The following MYOM2 variants were observed in gnomAD, a reference collection of about 807,000 sequenced individuals.
The protein encoded by MYOM2 is myomesin 2.
Under a neutral mutation model 187.6 loss-of-function variants are expected in MYOM2, and 254 were observed. That is an observed-to-expected ratio of 1.35 (90% CI 1.22 to 1.50). MYOM2 has a LOEUF of 1.50. Ranked by LOEUF, MYOM2 falls within the 40% of genes most tolerant of loss-of-function variation. The pLI is 0.00. For missense variants in MYOM2, 2,796 were observed against 1,924.0 expected, an observed-to-expected ratio of 1.45 and a Z score of -8.48; for synonymous variants, 981 against 753.8, an observed-to-expected ratio of 1.30 and a Z score of -4.94.
chr8:2,073,425 G>A lies in MYOM2; in HGVS notation c.1045G>A (p.Asp349Asn), dbSNP rs771346272. 14 of 1,613,014 alleles carry A rather than the reference G, an allele frequency of 8.7e-6. No homozygotes were observed. The Admixed American group carries it at 1.2e-4, about 13-fold the overall frequency. ...SLSFSHLHKD[D>N]EGLYTLRIVS... is the part of the protein sequence containing the mutation. ...GTCCTTCAGCCACCTGCACAAGGAC[G>A]ACGAGGGCCTGTACACCCTGCGCAT... is the stretch of plus-strand genomic sequence containing the variant. The change falls in exon 10 of 37, where the codon GAC becomes AAC. Residue 349 changes from aspartate to asparagine, a missense_variant. By Grantham distance (23) the Asp-to-Asn change is conservative. Coordinates refer to ENST00000262113, the MANE Select transcript of MYOM2 (RefSeq NM_003970.4).
chr8:2,089,950 A>T (rs1286674557), intron 14 of MYOM2, 58 bp from the exon 15 acceptor site: 20 of 1,542,902 alleles, frequency 1.3e-5, no homozygotes, highest in Non-Finnish European at 1.7e-5. Flanking sequence ...CCTCCTCCAC[A>T]CGCCTCTGGG....
intron 15 of MYOM2, 85 bp downstream of exon 15, chr8:2,090,276 A>G: frequency 1.5e-6 from 2 of 1,319,352 alleles, no homozygotes; most frequent in East Asian, 4.9e-5. Context: ...GTGAATAAAG[A>G]CATTAATGTT....
At chr8:2,128,999 CTT>C in intron 31 of MYOM2, 126 bp from the exon 32 acceptor site, 1 of 607,046 alleles carries the variant, frequency 1.6e-6, no homozygotes, top group East Asian at 2.8e-5. Context: ...GGCTGGCCGA[CTT>C]TATGAGAGAC....
At position 2,075,488 on chromosome 8, in the gene MYOM2, G is replaced by C. The variant is rs374402618; in HGVS notation, c.1121-653G>C. Among the ~76,000 whole-genome samples the C allele has an allele frequency of 2.6e-5, 4 of 152,334 alleles. No homozygotes were observed. In the East Asian group the frequency reaches 5.8e-4, roughly 22 times the overall value. On this transcript the variant is annotated intron_variant, in intron 10 of 36. Coordinates refer to ENST00000262113, the MANE Select transcript of MYOM2 (RefSeq NM_003970.4). ...TTAATACCCTGAAGATATGTGAGCA[G>C]GAAACTGGATAGTGCTCACCCTGCT...
chr8:2,141,134 C>T lies in MYOM2; in HGVS notation c.3965-7C>T, dbSNP rs776503139. The stretch of plus-strand genomic sequence containing the variant: ...TGGTTAGTAACGTATGAACTATTTC[C>T]TCACAGCTTTTGATGAAGCATTTGC... On this transcript the variant is annotated splice_polypyrimidine_tract_variant and splice_region_variant and intron_variant, in intron 33 of 36. Transcript: ENST00000262113. 2 of 1,610,842 alleles carry T rather than the reference C, an allele frequency of 1.2e-6. No individual in the cohort carries two copies. The highest frequency in any genetic ancestry group is 2.7e-5 in the African/African-American group (2 of 74,828).
At chr8:2,126,918 G>A in intron 31 of MYOM2, among the ~76,000 whole-genome samples, 1 of 148,556 alleles carries the variant, frequency 6.7e-6, no homozygotes, top group African/African-American at 2.5e-5. Flanking sequence ...GGAGCACTGG[G>A]GGAGGCAGAT....
chr8:2,126,887 G>C (rs1797664725), intron 31 of MYOM2, among the ~76,000 whole-genome samples: 1 of 119,624 alleles, frequency 8.4e-6, no homozygotes, highest in Non-Finnish European at 1.9e-5. Context: ...GGAGCATTGA[G>C]AGAGGCTGAT....
At chr8:2,085,517 C>CCCCCACTGTTGTGATCTTTGCATGG in intron 14 of MYOM2, 127 bp downstream of exon 14, 1 of 506,714 alleles carries the variant, frequency 2.0e-6, no homozygotes, top group South Asian at 2.6e-5. Context: ...TCCGCGTGGC[C>CCCCCACTGTTGTGATCTTTGCATGG]CCCCACTGTT....
At chr8:2,065,063 A>T (rs530911740) in intron 6 of MYOM2, among the ~76,000 whole-genome samples, 2 of 152,262 alleles carry the variant, frequency 1.3e-5, no homozygotes, top group African/African-American at 4.8e-5. Flanking sequence ...GATTAACATT[A>T]TATGATAAAA....
chr8:2,075,036 C>CT lies in MYOM2; in HGVS notation c.1121-1103dup, dbSNP rs1563433476. Among the ~76,000 whole-genome samples, 2 of 152,240 alleles carry CT rather than the reference C, an allele frequency of 1.3e-5. 1 individual carries two copies. The highest frequency in any genetic ancestry group is 2.9e-5 in the Non-Finnish European group (2 of 68,032). ...TGGGGTGCAGGACGCATCCATACAT[C>CT]TTCATGATTACTTTTTCCATTGCAT... On this transcript the variant is annotated intron_variant, in intron 10 of 36. Transcript: ENST00000262113.
chr8:2,123,048 A>C (rs914956076), intron 28 of MYOM2, among the ~76,000 whole-genome samples: 3 of 152,158 alleles, frequency 2.0e-5, no homozygotes, highest in Admixed American at 6.5e-5. Flanking sequence ...GTGAGGACTT[A>C]ATTTTCTTAG....
chr8:2,109,328 A>T (rs1285728174), intron 24 of MYOM2, 67 bp from the exon 25 acceptor site: 2 of 1,477,468 alleles, frequency 1.4e-6, no homozygotes, highest in African/African-American at 1.4e-5. Flanking sequence ...TTTCCCTACA[A>T]TTTGCAGGTA....
intron 3 of MYOM2, among the ~76,000 whole-genome samples, chr8:2,054,901 G>A (rs1449942806): frequency 7.9e-6 from 1 of 126,894 alleles, no homozygotes; most frequent in African/African-American, 2.6e-5. Context: ...GGGGAACCAA[G>A]TACCTGGATA....
At chr8:2,081,297 C>T (rs35975580) in intron 13 of MYOM2, among the ~76,000 whole-genome samples, 1,534 of 117,770 alleles carry the variant, frequency 0.013, 18 homozygotes, top group African/African-American at 0.025. Flanking sequence ...GAGGAACAGG[C>T]AGCCCAGCCC....
At chr8:2,128,714 C>G (rs1189795978) in intron 31 of MYOM2, among the ~76,000 whole-genome samples, 1 of 152,210 alleles carries the variant, frequency 6.6e-6, no homozygotes, top group African/African-American at 2.4e-5. Flanking sequence ...ATCTGCTTGA[C>G]TCCCACCTGA....
At chr8:2,071,554 C>A (rs909737540) in intron 8 of MYOM2, among the ~76,000 whole-genome samples, 1 of 152,126 alleles carries the variant, frequency 6.6e-6, no homozygotes, top group Non-Finnish European at 1.5e-5. Context: ...ATGTGACTTG[C>A]CAGAAGCCAC....
intron 1 of MYOM2, among the ~76,000 whole-genome samples, chr8:2,045,651 T>C (rs1051574890): frequency 6.6e-6 from 1 of 152,224 alleles, no homozygotes; most frequent in Non-Finnish European, 1.5e-5. Context: ...ATCCACGGTA[T>C]GGGAAAGAGA....
At chr8:2,050,407 T>A (rs1818444076) in intron 1 of MYOM2, among the ~76,000 whole-genome samples, 1 of 152,260 alleles carries the variant, frequency 6.6e-6, no homozygotes, top group Non-Finnish European at 1.5e-5. Flanking sequence ...ACTTCTCTAA[T>A]CTGCTTTAAT....
rs755911748 is a variant in MYOM2 at position 2,106,401 on chromosome 8, A to T, written c.2891+3A>T. ...AAAATTGAAACCGTGGGGGATCAGTAAGTGAGGCCTGGAAGTTGGATACTG... is the reference window on the plus strand; with the variant it reads ...AAAATTGAAACCGTGGGGGATCAGTTAGTGAGGCCTGGAAGTTGGATACTG... On this transcript the variant is annotated splice_donor_region_variant and intron_variant, in intron 22 of 36. Transcript: ENST00000262113. 1.2e-6 allele frequency: 2 copies of T among 1,613,820 alleles called. No individual in the cohort carries two copies. The highest frequency in any genetic ancestry group is 3.3e-5 in the Admixed American group (2 of 60,018).
Sources: gnomAD v4.1 joint callset for allele counts (sites outside exome capture counted in the v4.1 genomes callset) on GRCh38, gnomAD v4.1.1 for gene constraint, MANE v1.5 for transcripts, NCBI Gene and HGNC (gene_info 2026-07-23, HGNC 2026-07-21) for gene names.